Variants in RGS1 observed in about 807,000 individuals in gnomAD.
RGS1 encodes B-cell activation protein BL34.
In RGS1, 11 loss-of-function variants were observed where a neutral mutation model predicts 22.2. The observed-to-expected ratio is 0.50, with a 90% CI of 0.31 to 0.82. The LOEUF is 0.82. RGS1 is among the 40% of genes least tolerant of loss of function. The pLI is 0.04. For missense variants in RGS1, 255 were observed against 245.8 expected, an observed-to-expected ratio of 1.04 and a Z score of -0.25; for synonymous variants, 81 against 79.9, an observed-to-expected ratio of 1.01 and a Z score of -0.07.
chr1:192,577,170 C>A, intron 3 of RGS1: 1 of 214,106 alleles, frequency 4.7e-6, no homozygotes, highest in Non-Finnish European at 9.2e-6. Flanking sequence ...TTGAAATCTG[C>A]CTAAAGAATG....
Position 192,579,159 on chromosome 1 carries a change from G to T in RGS1, c.467G>T (p.Arg156Leu). ...TAGATCAATATTGACTTCCGCACTC[G>T]AGAATCTACAGCCAAGAAGATTAAA... ...AKQINIDFRT[R>L]ESTAKKIKAP... The change falls in exon 5 of 5, where the codon CGA (arginine) becomes CTA (leucine). Residue 156 changes from arginine to leucine, a missense_variant. Coordinates refer to ENST00000367459, the MANE Select transcript of RGS1 (RefSeq NM_002922.4). 1 of 1,612,594 alleles carries T rather than the reference G, an allele frequency of 6.2e-7. No individual in the cohort carries two copies. Among genetic ancestry groups the T allele is most frequent in the Non-Finnish European group, 8.5e-7 (1 of 1,179,200 alleles).
In RGS1 at chr1:192,576,656, T is replaced by C. The variant is rs975748931; in HGVS notation, c.219-118T>C. The C allele has an allele frequency of 1.0e-5, 9 of 871,564 alleles. No homozygotes were observed. The East Asian group carries it at 1.9e-4, about 18-fold the overall frequency. 54.0% of individuals were successfully genotyped at this position (871,564 alleles called of 1,614,324 possible). On this transcript the variant is annotated intron_variant, in intron 2 of 4. Transcript: ENST00000367459. ...TGCATTTTGTGAATAAATTTTAACATATTTATTAGAACTACAGTTTCAGTT... is the reference window on the plus strand; with the variant it reads ...TGCATTTTGTGAATAAATTTTAACACATTTATTAGAACTACAGTTTCAGTT...
rs113090598 is a variant in RGS1 at position 192,579,331 on chromosome 1, T to A, written c.*9T>A. On this transcript the variant is annotated 3_prime_UTR_variant, in exon 5 of 5. Coordinates refer to ENST00000367459, the MANE Select transcript of RGS1 (RefSeq NM_002922.4). ...CTAATAGCCTAAAGTGACTGGTCCCTGGCTGAAGGGAATTAACAGATAGTA... is the reference window on the plus strand; with the variant it reads ...CTAATAGCCTAAAGTGACTGGTCCCAGGCTGAAGGGAATTAACAGATAGTA... 4.8e-4 allele frequency: 776 copies of A among 1,611,340 alleles called. 3 individuals are homozygous for A. The African/African-American group carries it at 9.6e-3, about 20-fold the overall frequency.
chr1:192,576,292 G>C lies in RGS1; in HGVS notation c.145G>C (p.Asp49His). The change falls in exon 2 of 5, where the codon GAT becomes CAT. Residue 49 changes from aspartate to histidine, a missense_variant. Coordinates refer to ENST00000367459, the MANE Select transcript of RGS1 (RefSeq NM_002922.4). ...QKRRPKTFGMDMKAYLRSMIP... is the reference protein window; with the variant it reads ...QKRRPKTFGMHMKAYLRSMIP... ...CTTTTATGTCTTTTGTAGTGGAATG[G>C]ATATGAAAGCATACCTGAGATCTAT... The C allele has an allele frequency of 6.2e-7, 1 of 1,605,700 alleles. No homozygotes were observed. The highest frequency in any genetic ancestry group is 1.1e-5 in the South Asian group (1 of 90,646).
rs576865694 is a variant in RGS1, at chr1:192,579,172, C to T, written c.480C>T (p.Ala160=). The change falls in exon 5 of 5, where the codon GCC becomes GCT. Residue 160 remains alanine, a synonymous_variant. Coordinates refer to ENST00000367459, the MANE Select transcript of RGS1 (RefSeq NM_002922.4). ...NIDFRTREST[A]KKIKAPTPTC... Reference sequence around the variant, plus strand: ...ACTTCCGCACTCGAGAATCTACAGCCAAGAAGATTAAAGCACCAACCCCCA... The same window carrying T: ...ACTTCCGCACTCGAGAATCTACAGCTAAGAAGATTAAAGCACCAACCCCCA... 1 of 1,612,792 alleles carries T rather than the reference C, an allele frequency of 6.2e-7. No individual in the cohort carries two copies. The highest frequency in any genetic ancestry group is 1.7e-5 in the Admixed American group (1 of 59,848).
Position 192,579,300 on chromosome 1 carries a change from T to C in RGS1, c.608T>C (p.Leu203Pro). Residue 203 changes from leucine (L) to proline (P), a missense_variant, in exon 5 of 5, where the codon CTG becomes CCG. Leu to Pro is a moderately conservative substitution (Grantham distance 98, BLOSUM62 -3). Transcript: ENST00000367459. ...SDIYLNLLND[L>P]QANSLK Reference sequence around the variant, plus strand: ...ATTTACTTAAATCTTCTAAATGACCTGCAGGCTAATAGCCTAAAGTGACTG... The same window carrying C: ...ATTTACTTAAATCTTCTAAATGACCCGCAGGCTAATAGCCTAAAGTGACTG... The C allele has an allele frequency of 6.2e-7, 1 of 1,612,788 alleles. No homozygotes were observed. The highest frequency in any genetic ancestry group is 1.7e-5 in the Admixed American group (1 of 59,848).
In RGS1 at chr1:192,576,431, A is replaced by T. The variant is rs559762390; in HGVS notation, c.218+66A>T. The T allele has an allele frequency of 5.4e-5, 65 of 1,194,430 alleles. No individual in the cohort carries two copies. The South Asian group carries it at 8.1e-4, about 15-fold the overall frequency. 74.0% of individuals were successfully genotyped at this position (1,194,430 alleles called of 1,614,324 possible). ...AGAGAAGCCTATGCATTATCTCTAT[A>T]TCCCAGCAAGGGATAAATACTGCGC... On this transcript the variant is annotated intron_variant, in intron 2 of 4. Transcript: ENST00000367459.
rs1398909493 is a variant in RGS1 at position 192,575,829 on chromosome 1, A to G, written c.37A>G (p.Lys13Glu). 1.2e-6 allele frequency: 2 copies of G among 1,613,450 alleles called. No homozygotes were observed. Among genetic ancestry groups the G allele is most frequent in the South Asian group, 2.2e-5 (2 of 91,056 alleles). The change falls in exon 1 of 5, where the codon AAA becomes GAA. Residue 13 changes from lysine (K) to glutamate (E), a missense_variant. Physicochemically the swap from Lys to Glu is moderately conservative, Grantham distance 56. Coordinates refer to ENST00000367459, the MANE Select transcript of RGS1 (RefSeq NM_002922.4). The part of the protein sequence containing the change: ...AAAISTPKLD[K>E]MPGMFFSANP... ...AGCCATCTCCACTCCAAAGTTAGACAAAATGCCAGGAATGTTCTTCTCTGC... is the reference window on the plus strand; with the variant it reads ...AGCCATCTCCACTCCAAAGTTAGACGAAATGCCAGGAATGTTCTTCTCTGC...
Position 192,576,292 on chromosome 1 carries a change from G to T in RGS1, c.145G>T (p.Asp49Tyr). ...QKRRPKTFGM[D>Y]MKAYLRSMIP... is the part of the protein sequence containing the mutation. ...CTTTTATGTCTTTTGTAGTGGAATG[G>T]ATATGAAAGCATACCTGAGATCTAT... The change falls in exon 2 of 5, where the codon GAT (aspartate) becomes TAT (tyrosine). Residue 49 changes from aspartate to tyrosine, a missense_variant. Transcript: ENST00000367459. 1 of 1,605,700 alleles carries T rather than the reference G, an allele frequency of 6.2e-7. No homozygotes were observed. Among genetic ancestry groups the T allele is most frequent in the Non-Finnish European group, 8.5e-7 (1 of 1,173,472 alleles).
At position 192,575,859 on chromosome 1, in the gene RGS1, C is replaced by T. The variant is rs770999624; in HGVS notation, c.67C>T (p.Pro23Ser). ...KMPGMFFSAN[P>S]KELKGTTHSL... ...GCCAGGAATGTTCTTCTCTGCTAACCCAAAGGAATTGAAAGGAACCACTCA... is the reference window on the plus strand; with the variant it reads ...GCCAGGAATGTTCTTCTCTGCTAACTCAAAGGAATTGAAAGGAACCACTCA... Residue 23 changes from proline (P) to serine (S), a missense_variant, in exon 1 of 5, where the codon CCA becomes TCA. Coordinates refer to ENST00000367459, the MANE Select transcript of RGS1 (RefSeq NM_002922.4). The T allele has an allele frequency of 1.3e-5, 21 of 1,613,342 alleles. No homozygotes were observed. The South Asian group carries it at 2.0e-4, about 15-fold the overall frequency.
At chr1:192,576,412 G>T (rs375853268) in intron 2 of RGS1, 47 bp downstream of exon 2, 13 of 1,357,422 alleles carry the variant, frequency 9.6e-6, no homozygotes, top group South Asian at 3.6e-5. Flanking sequence ...TACAAGAGAA[G>T]CCTATGCATT....
rs1350542961 is a variant in RGS1, at chr1:192,578,030, T to C, written c.281-192T>C. The C allele has an allele frequency of 7.8e-6, 5 of 645,108 alleles. No homozygotes were observed. The African/African-American group carries it at 9.2e-5, about 12-fold the overall frequency. The allele number at this position is 645,108 out of a possible 1,614,324, so 40.0% of individuals were successfully genotyped here. ...TTTGTCTGGCCCCAGATTCCTCTTC[T>C]ATGAATGAAGAAATTTCAAATGACT... is the stretch of plus-strand genomic sequence containing the variant. On this transcript the variant is annotated intron_variant, in intron 3 of 4. Coordinates refer to ENST00000367459, the MANE Select transcript of RGS1 (RefSeq NM_002922.4).
chr1:192,579,400 A>C lies in RGS1; in HGVS notation c.*78A>C. The C allele has an allele frequency of 7.0e-7, 1 of 1,424,548 alleles. No individual in the cohort carries two copies. Among genetic ancestry groups the C allele is most frequent in the Non-Finnish European group, 9.6e-7 (1 of 1,037,608 alleles). 88.2% of individuals were successfully genotyped at this position (1,424,548 alleles called of 1,614,324 possible). A position where few individuals can be genotyped will look rare whatever the true frequency, so the allele number is the denominator to read the frequency against. On this transcript the variant is annotated 3_prime_UTR_variant, in exon 5 of 5. Coordinates refer to ENST00000367459, the MANE Select transcript of RGS1 (RefSeq NM_002922.4). ...TGCCAGTATGGCTCCCTGGGTGAACAGCTTGGCCTTTTTTGGGTGTCTTGA... is the reference window on the plus strand; with the variant it reads ...TGCCAGTATGGCTCCCTGGGTGAACCGCTTGGCCTTTTTTGGGTGTCTTGA...
chr1:192,578,268 G>A lies in RGS1; in HGVS notation c.327G>A (p.Glu109=). 6.2e-7 allele frequency: 1 copy of A among 1,612,624 alleles called. No homozygotes were observed. The stretch of plus-strand genomic sequence containing the variant: ...GTTTCCTAAAGTCTGAATTCAGTGA[G>A]GAGAATATTGAGTTCTGGCTGGCTT... ...FGSFLKSEFS[E]ENIEFWLACE... Residue 109 remains glutamate, a synonymous_variant, in exon 4 of 5, where the codon GAG becomes GAA. Coordinates refer to ENST00000367459, the MANE Select transcript of RGS1 (RefSeq NM_002922.4).
In RGS1 at chr1:192,579,268, A is replaced by C. The variant is rs1293584279; in HGVS notation, c.576A>C (p.Lys192Asn). The C allele has an allele frequency of 6.2e-7, 1 of 1,613,158 alleles. No individual in the cohort carries two copies. The highest frequency in any genetic ancestry group is 1.1e-5 in the South Asian group (1 of 91,060). Residue 192 changes from lysine to asparagine, a missense_variant, in exon 5 of 5, where the codon AAA becomes AAC. Lys to Asn is a moderately conservative substitution (Grantham distance 94, BLOSUM62 0). Transcript: ENST00000367459. ...AGGACTCTTATCCCAGGTTCCTCAAATCAGATATTTACTTAAATCTTCTAA... is the reference window on the plus strand; with the variant it reads ...AGGACTCTTATCCCAGGTTCCTCAACTCAGATATTTACTTAAATCTTCTAA... ...MEKDSYPRFL[K>N]SDIYLNLLND... is the part of the protein sequence containing the mutation.
intron 4 of RGS1, chr1:192,578,615 G>A: frequency 5.1e-6 from 3 of 593,128 alleles, no homozygotes; most frequent in Non-Finnish European, 8.8e-6. Flanking sequence ...CTGCCATGAT[G>A]AGGGTGAGGG....
chr1:192,577,169 G>A (rs1411320007), intron 3 of RGS1: 2 of 215,928 alleles, frequency 9.3e-6, no homozygotes, highest in East Asian at 9.8e-5. Flanking sequence ...TTTGAAATCT[G>A]CCTAAAGAAT....
chr1:192,579,535 G>A lies in RGS1; in HGVS notation c.*213G>A. On this transcript the variant is annotated 3_prime_UTR_variant, in exon 5 of 5. Transcript: ENST00000367459. Reference sequence around the variant, plus strand: ...AACAGAGAGACCGCAGAAGGAGGAAGATACTGTGGTACTGTCATAAAAAAC... The same window carrying A: ...AACAGAGAGACCGCAGAAGGAGGAAAATACTGTGGTACTGTCATAAAAAAC... 4.0e-6 allele frequency: 2 copies of A among 503,530 alleles called. No homozygotes were observed. Among genetic ancestry groups the A allele is most frequent in the South Asian group, 5.6e-5 (2 of 35,626 alleles). The allele number at this position is 503,530 out of a possible 1,614,324, so 31.2% of individuals were successfully genotyped here. A position where few individuals can be genotyped will look rare whatever the true frequency, so the allele number is the denominator to read the frequency against.
chr1:192,576,489 C>A, intron 2 of RGS1, 124 bp downstream of exon 2: 2 of 701,544 alleles, frequency 2.9e-6, no homozygotes, highest in South Asian at 2.0e-5. Context: ...AGTAACATGC[C>A]AAATAAAATT....
Sources: allele counts gnomAD v4.1 joint callset, GRCh38; gene constraint gnomAD v4.1.1; transcripts MANE v1.5; gene names NCBI Gene and HGNC (gene_info 2026-07-23, HGNC 2026-07-21).